STK32B: variants seen among roughly 807,000 people sequenced by gnomAD.
The protein encoded by STK32B is serine/threonine-protein kinase 32B.
A neutral mutation model predicts 52.6 loss-of-function variants in STK32B; 43 were observed. That is an observed-to-expected ratio of 0.82 (90% CI 0.64 to 1.05). The LOEUF (loss-of-function observed/expected upper bound fraction) is 1.05, where lower values mean the gene tolerates loss of function less well. Ranked by LOEUF, STK32B falls within the 50% of genes least tolerant of loss-of-function variation. STK32B has a pLI of 0.00. For synonymous variants in STK32B, 238 were observed against 204.3 expected, an observed-to-expected ratio of 1.17 and a Z score of -1.41; for missense variants, 621 against 534.6, an observed-to-expected ratio of 1.16 and a Z score of -1.59.
At chr4:5,440,661 G>C (rs1231760182) in intron 6 of STK32B, among the ~76,000 whole-genome samples, 1 of 152,208 alleles carries the variant, frequency 6.6e-6, no homozygotes. Flanking sequence ...AGTGGTGAGA[G>C]AGGGCATCCC....
rs739967 is a variant in STK32B at position 5,418,944 on chromosome 4, C to G, written c.562+2010C>G. Among the ~76,000 whole-genome samples, 34 of 152,312 alleles carry G rather than the reference C, an allele frequency of 2.2e-4. 1 individual carries two copies. The highest frequency in any genetic ancestry group is 3.4e-3 in the Middle Eastern group (1 of 294). ...ATGGCCTGAGGAAGAAGAGACCTCC[C>G]TGAGCCCTTGGCAAAGCCTAAATTC... On this transcript the variant is annotated intron_variant, in intron 6 of 11. Coordinates refer to ENST00000282908, the MANE Select transcript of STK32B (RefSeq NM_018401.3).
At chr4:5,459,974 C>T (rs757661277) in intron 8 of STK32B, 129 bp from the exon 9 acceptor site, 44 of 1,362,062 alleles carry the variant, frequency 3.2e-5, no homozygotes, top group Non-Finnish European at 2.7e-5. Flanking sequence ...GTGACCCAGA[C>T]GGGGCACAAC....
chr4:5,122,455 C>G (rs1315710685), intron 1 of STK32B, among the ~76,000 whole-genome samples: 1 of 151,716 alleles, frequency 6.6e-6, no homozygotes, highest in Non-Finnish European at 1.5e-5. Context: ...ACTCACTTAT[C>G]CATTCAGTTG....
At chr4:5,116,155 T>C (rs1350389815) in intron 1 of STK32B, among the ~76,000 whole-genome samples, 1 of 152,018 alleles carries the variant, frequency 6.6e-6, no homozygotes, top group African/African-American at 2.4e-5. Context: ...CTGCTCTATA[T>C]GCTCACTCAG....
chr4:5,367,955 A>G (rs895514093), intron 4 of STK32B, among the ~76,000 whole-genome samples: 5 of 152,130 alleles, frequency 3.3e-5, no homozygotes, highest in Non-Finnish European at 5.9e-5. Context: ...AGGGGGCTTC[A>G]CTGCTCCGTC....
chr4:5,451,134 C>T (rs888895220), intron 7 of STK32B, among the ~76,000 whole-genome samples: 7 of 152,124 alleles, frequency 4.6e-5, no homozygotes, highest in Non-Finnish European at 7.3e-5. Flanking sequence ...AGGAGATGTG[C>T]GGATTATTGT....
intron 3 of STK32B, among the ~76,000 whole-genome samples, chr4:5,244,293 G>A (rs986898055): frequency 6.6e-6 from 1 of 152,086 alleles, no homozygotes; most frequent in African/African-American, 2.4e-5. Flanking sequence ...CTTCTTCCTG[G>A]TTTAGTCTTG....
At chr4:5,478,113 G>A (rs1022639587) in intron 11 of STK32B, among the ~76,000 whole-genome samples, 2 of 152,164 alleles carry the variant, frequency 1.3e-5, no homozygotes, top group Non-Finnish European at 2.9e-5. Context: ...CCTCTGAAAA[G>A]CCATGTGACC....
At chr4:5,426,801 T>C (rs993776729) in intron 6 of STK32B, 4 of 151,850 alleles carry the variant, frequency 2.6e-5, no homozygotes, top group Non-Finnish European at 5.9e-5. Flanking sequence ...TTATCAGATA[T>C]ATATTCTAAA....
At chr4:5,158,546 G>A (rs1042951187) in intron 2 of STK32B, among the ~76,000 whole-genome samples, 1 of 152,098 alleles carries the variant, frequency 6.6e-6, no homozygotes, top group African/African-American at 2.4e-5. Flanking sequence ...TTTTAAAACA[G>A]CTCCCCAGTG....
intron 3 of STK32B, among the ~76,000 whole-genome samples, chr4:5,302,939 CT>C (rs1276391247): frequency 6.6e-6 from 1 of 151,630 alleles, no homozygotes; most frequent in African/African-American, 2.4e-5. Context: ...TATTCCATTT[CT>C]TTTTATGGCT....
chr4:5,377,535 TG>T (rs1735659572), intron 4 of STK32B, among the ~76,000 whole-genome samples: 1 of 152,230 alleles, frequency 6.6e-6, no homozygotes, highest in South Asian at 2.1e-4. Context: ...CAATCTCACC[TG>T]CTTTCCACAA....
At chr4:5,137,315 A>G (rs946929401) in intron 1 of STK32B, among the ~76,000 whole-genome samples, 1 of 152,212 alleles carries the variant, frequency 6.6e-6, no homozygotes, top group African/African-American at 2.4e-5. Context: ...AGCTTCTGGC[A>G]AGAAGGAGCA....
intron 1 of STK32B, among the ~76,000 whole-genome samples, chr4:5,075,385 C>T (rs1016810997): frequency 2.0e-5 from 3 of 152,156 alleles, no homozygotes; most frequent in African/African-American, 7.2e-5. Flanking sequence ...ACATTGATTC[C>T]TTGACAATGT....
chr4:5,074,361 G>A (rs915214361), intron 1 of STK32B, among the ~76,000 whole-genome samples: 1 of 151,700 alleles, frequency 6.6e-6, no homozygotes, highest in Admixed American at 6.6e-5. Context: ...TCTAGTTCTA[G>A]GACTTTCATT....
chr4:5,213,373 A>T (rs1723012067), intron 3 of STK32B, among the ~76,000 whole-genome samples: 1 of 152,212 alleles, frequency 6.6e-6, no homozygotes, highest in Non-Finnish European at 1.5e-5. Flanking sequence ...AACAAGCTTA[A>T]GTCAGGCCAT....
intron 3 of STK32B, among the ~76,000 whole-genome samples, chr4:5,242,294 T>C (rs1370854041): frequency 6.6e-6 from 1 of 152,210 alleles, no homozygotes; most frequent in Non-Finnish European, 1.5e-5. Flanking sequence ...TGGTATCTCA[T>C]TGTGGTTTTG....
chr4:5,434,773 A>C (rs1574465), intron 6 of STK32B, among the ~76,000 whole-genome samples: 2 of 152,132 alleles, frequency 1.3e-5, no homozygotes, highest in African/African-American at 2.4e-5. Context: ...CTCTCTAAAC[A>C]TTAGCTTTTC....
At chr4:5,397,081 T>C (rs17457282) in intron 4 of STK32B, among the ~76,000 whole-genome samples, 12,433 of 152,304 alleles carry the variant, frequency 0.082, 702 homozygotes, top group African/African-American at 0.15. Flanking sequence ...CCCGTAGATA[T>C]TGCATTGCAT....
Sources: gnomAD v4.1 joint callset for allele counts (sites outside exome capture counted in the v4.1 genomes callset) on GRCh38, gnomAD v4.1.1 for gene constraint, MANE v1.5 for transcripts, NCBI Gene and HGNC (gene_info 2026-07-23, HGNC 2026-07-21) for gene names.